Variants in ROBO1 observed in about 807,000 individuals in gnomAD.
The protein encoded by ROBO1 is roundabout homolog 1.
Under a neutral mutation model 195.9 loss-of-function variants are expected in ROBO1, and 149 were observed. That is an observed-to-expected ratio of 0.76 (90% CI 0.67 to 0.87). The LOEUF is 0.87. Among genes scored for constraint, ROBO1 ranks in the 40% least tolerant of loss-of-function variants. The probability of loss-of-function intolerance (pLI) is 0.00; values close to 1 mark genes in which losing one functional copy is unlikely to be tolerated. For missense variants in ROBO1, 1,933 were observed against 2,068.3 expected, an observed-to-expected ratio of 0.93 and a Z score of 1.27; for synonymous variants, 816 against 733.2, an observed-to-expected ratio of 1.11 and a Z score of -1.82.
At chr3:78,951,985 T>G (rs1394059679) in intron 3 of ROBO1, among the ~76,000 whole-genome samples, 3 of 151,688 alleles carry the variant, frequency 2.0e-5, no homozygotes, top group Non-Finnish European at 4.4e-5. Flanking sequence ...ATATATAATT[T>G]TATTCTTTAT....
intron 1 of ROBO1, among the ~76,000 whole-genome samples, chr3:79,715,434 T>C (rs1170798000): frequency 6.6e-6 from 1 of 152,188 alleles, no homozygotes; most frequent in Non-Finnish European, 1.5e-5. Flanking sequence ...CGAGACACTC[T>C]ACCAGCAAAA....
At chr3:78,890,496 G>C (rs570976969) in intron 4 of ROBO1, among the ~76,000 whole-genome samples, 2 of 152,030 alleles carry the variant, frequency 1.3e-5, no homozygotes, top group Non-Finnish European at 2.9e-5. Context: ...AGAAGTAAAC[G>C]TTGGTTGTTT....
chr3:79,215,716 T>C (rs1291203671), intron 2 of ROBO1, among the ~76,000 whole-genome samples: 1 of 152,226 alleles, frequency 6.6e-6, no homozygotes, highest in African/African-American at 2.4e-5. Flanking sequence ...TTACTGTATG[T>C]ACAGAGTTCC....
chr3:79,616,982 T>C (rs1019300263), intron 1 of ROBO1, among the ~76,000 whole-genome samples: 5 of 152,144 alleles, frequency 3.3e-5, no homozygotes, highest in East Asian at 3.9e-4. Context: ...GTAGCTGCAG[T>C]TCAAGCATTT....
At chr3:79,301,411 C>A (rs2032949990) in intron 2 of ROBO1, among the ~76,000 whole-genome samples, 1 of 152,172 alleles carries the variant, frequency 6.6e-6, no homozygotes, top group Non-Finnish European at 1.5e-5. Context: ...TTACAGACCA[C>A]CTCCTATGAA....
At chr3:79,517,772 C>A (rs1941014961) in intron 2 of ROBO1, among the ~76,000 whole-genome samples, 1 of 152,128 alleles carries the variant, frequency 6.6e-6, no homozygotes. Flanking sequence ...GTGGCAGGGG[C>A]TAAAGTAATA....
intron 2 of ROBO1, among the ~76,000 whole-genome samples, chr3:79,430,328 T>C (rs1209902510): frequency 2.6e-5 from 4 of 152,166 alleles, no homozygotes; most frequent in East Asian, 1.9e-4. Flanking sequence ...CTCAATATAA[T>C]TTAATTTCAA....
In ROBO1 at chr3:78,908,438, G is replaced by T. The variant is rs542828578; in HGVS notation, c.499+30163C>A. ...AATATGCAATTTTGTAAAACATAGGGTTCATAAATGATGACTCATATGTAC... is the reference window on the plus strand; with the variant it reads ...AATATGCAATTTTGTAAAACATAGGTTTCATAAATGATGACTCATATGTAC... On this transcript the variant is annotated intron_variant, in intron 4 of 30. Transcript: ENST00000464233. Among the ~76,000 whole-genome samples the T allele has an allele frequency of 1.1e-4, 16 of 151,950 alleles. No homozygotes were observed. In the East Asian group the frequency reaches 3.1e-3, roughly 29 times the overall value.
intron 14 of ROBO1, among the ~76,000 whole-genome samples, chr3:78,666,757 G>A (rs1707760288): frequency 1.3e-5 from 2 of 152,268 alleles, no homozygotes; most frequent in Admixed American, 6.5e-5. Context: ...GACTGTTTCT[G>A]TACATACTTG....
intron 4 of ROBO1, among the ~76,000 whole-genome samples, chr3:78,917,414 CT>C (rs1297746318): frequency 6.6e-6 from 1 of 152,054 alleles, no homozygotes; most frequent in Non-Finnish European, 1.5e-5. Flanking sequence ...GGGACATCAT[CT>C]TTTAGAAAAA....
chr3:79,225,529 T>C (rs1363502202), intron 2 of ROBO1, among the ~76,000 whole-genome samples: 1 of 152,154 alleles, frequency 6.6e-6, no homozygotes, highest in African/African-American at 2.4e-5. Context: ...GTTTCCTCTC[T>C]GTCTCCTTGT....
intron 3 of ROBO1, among the ~76,000 whole-genome samples, chr3:79,049,219 C>CA (rs1291259091): frequency 3.3e-5 from 5 of 151,994 alleles, no homozygotes. Context: ...TGATGGAGCT[C>CA]AAAACCACAG....
intron 3 of ROBO1, among the ~76,000 whole-genome samples, chr3:79,004,221 T>C (rs376333390): frequency 1.3e-5 from 2 of 152,308 alleles, no homozygotes; most frequent in Admixed American, 1.3e-4. Flanking sequence ...AACATGGGGA[T>C]GTAAATTTGC....
At chr3:78,777,688 AT>A (rs2083545911) in intron 4 of ROBO1, among the ~76,000 whole-genome samples, 1 of 152,154 alleles carries the variant, frequency 6.6e-6, no homozygotes, top group South Asian at 2.1e-4. Context: ...TGTATTATAA[AT>A]TTTTTCACAT....
chr3:78,812,000 A>T (rs756688159), intron 4 of ROBO1, among the ~76,000 whole-genome samples: 1 of 152,072 alleles, frequency 6.6e-6, no homozygotes, highest in Non-Finnish European at 1.5e-5. Flanking sequence ...GTTACGGTGG[A>T]ATCGTTTCCT....
intron 2 of ROBO1, among the ~76,000 whole-genome samples, chr3:79,167,170 A>G (rs965429150): frequency 1.5e-5 from 2 of 131,436 alleles, no homozygotes; most frequent in Non-Finnish European, 3.2e-5. Context: ...AAGGTCTTTT[A>G]GGTTTGAAAA....
intron 2 of ROBO1, among the ~76,000 whole-genome samples, chr3:79,471,077 G>A (rs963506904): frequency 1.3e-5 from 2 of 151,998 alleles, no homozygotes; most frequent in Non-Finnish European, 2.9e-5. Context: ...TTCAATAAAT[G>A]GTGCTGGGAA....
intron 3 of ROBO1, among the ~76,000 whole-genome samples, chr3:78,948,960 G>T (rs925962802): frequency 1.3e-5 from 2 of 151,388 alleles, no homozygotes; most frequent in Non-Finnish European, 2.9e-5. Context: ...CAAGGGATGT[G>T]AAGGACCTCT....
At chr3:79,037,840 C>T (rs941799658) in intron 3 of ROBO1, among the ~76,000 whole-genome samples, 2 of 152,128 alleles carry the variant, frequency 1.3e-5, no homozygotes, top group Admixed American at 6.5e-5. Flanking sequence ...GGGAACTAAA[C>T]ATTTCTACAA....
Sources: gnomAD v4.1 joint callset for allele counts (sites outside exome capture counted in the v4.1 genomes callset) on GRCh38, gnomAD v4.1.1 for gene constraint, MANE v1.5 for transcripts, NCBI Gene and HGNC (gene_info 2026-07-23, HGNC 2026-07-21) for gene names.